The following ANKLE2 variants were observed in gnomAD, a reference collection of about 807,000 sequenced individuals.
ANKLE2 encodes the protein ankyrin repeat and LEM domain-containing protein 2.
In ANKLE2, 55 loss-of-function variants were observed where a neutral mutation model predicts 84.2. The observed-to-expected ratio is 0.65, with a 90% CI of 0.53 to 0.82. ANKLE2 has a LOEUF of 0.82. ANKLE2 is among the 40% of genes least tolerant of loss of function. ANKLE2 has a pLI of 0.00. For missense variants in ANKLE2, 1,238 were observed against 1,201.9 expected (o/e 1.03, Z -0.44); for synonymous variants, 551 against 486.1 (o/e 1.13, Z -1.76).
At chr12:132,752,922 C>CCAAG in intron 2 of ANKLE2, among the ~76,000 whole-genome samples, 1 of 151,456 alleles carries the variant, frequency 6.6e-6, no homozygotes, top group African/African-American at 2.4e-5. Context: ...CTTTGGGAGG[C>CCAAG]TCAGGTGGGA....
Position 132,727,028 on chromosome 12 carries a change from G to C in ANKLE2, c.*214C>G, listed in dbSNP as rs968775738. On this transcript the variant is annotated 3_prime_UTR_variant, in exon 13 of 13. Transcript: ENST00000357997. ...CACATGGATATTTTCCAGAAAATTGGTAACTGAGTTTGCTTTCATTAACTT... is the reference window on the plus strand; with the variant it reads ...CACATGGATATTTTCCAGAAAATTGCTAACTGAGTTTGCTTTCATTAACTT... 3 of 582,532 alleles carry C rather than the reference G, an allele frequency of 5.1e-6. No homozygotes were observed. The highest frequency in any genetic ancestry group is 8.5e-6 in the Non-Finnish European group (3 of 353,906). 36.1% of individuals were successfully genotyped at this position (582,532 alleles called of 1,614,324 possible).
At chr12:132,734,333 C>A in intron 10 of ANKLE2, 52 bp downstream of exon 10, 1 of 1,590,028 alleles carries the variant, frequency 6.3e-7, no homozygotes, top group Non-Finnish European at 8.6e-7. Flanking sequence ...CGTCAGACCC[C>A]GGCCATGGGG....
rs555241431 is a variant in ANKLE2, at chr12:132,726,255, G to A, written c.*987C>T. The A allele has an allele frequency of 4.6e-5, 7 of 153,564 alleles. No individual in the cohort carries two copies. Among genetic ancestry groups the A allele is most frequent in the Non-Finnish European group, 4.4e-5 (3 of 68,288 alleles). 9.5% of individuals were successfully genotyped at this position (153,564 alleles called of 1,614,324 possible). A position where few individuals can be genotyped will look rare whatever the true frequency, so the allele number is the denominator to read the frequency against. On this transcript the variant is annotated 3_prime_UTR_variant, in exon 13 of 13. Transcript: ENST00000357997. ...CGGCTCCTCACACATTCCAACCACA[G>A]ACCTTCATTCAAGTCAAGGTGAAGG...
intron 5 of ANKLE2, among the ~76,000 whole-genome samples, chr12:132,747,624 G>A (rs1292211398): frequency 6.6e-6 from 1 of 152,178 alleles, no homozygotes; most frequent in Non-Finnish European, 1.5e-5. Flanking sequence ...TCGCACACAC[G>A]ACGACAATGC....
At chr12:132,739,355 G>A (rs2044076598) in intron 7 of ANKLE2, among the ~76,000 whole-genome samples, 1 of 152,018 alleles carries the variant, frequency 6.6e-6, no homozygotes, top group African/African-American at 2.4e-5. Context: ...GAAAATTAGG[G>A]CAATTCAAAT....
chr12:132,735,134 G>A, intron 9 of ANKLE2: 2 of 488,538 alleles, frequency 4.1e-6, no homozygotes, highest in Non-Finnish European at 7.3e-6. Flanking sequence ...AAAATATTAA[G>A]GTTCCTTAGA....
intron 7 of ANKLE2, among the ~76,000 whole-genome samples, chr12:132,740,567 G>C (rs1199099887): frequency 6.6e-6 from 1 of 152,030 alleles, no homozygotes; most frequent in African/African-American, 2.4e-5. Flanking sequence ...CAGGCAGGTG[G>C]GTGAAAGGAC....
chr12:132,753,268 T>G (rs1471490487), intron 2 of ANKLE2, among the ~76,000 whole-genome samples: 2 of 151,774 alleles, frequency 1.3e-5, no homozygotes, highest in Non-Finnish European at 2.9e-5. Context: ...TGCAGTGAGT[T>G]GTTGAGATTG....
chr12:132,732,383 T>C (rs1409217947), intron 10 of ANKLE2, among the ~76,000 whole-genome samples: 1 of 141,938 alleles, frequency 7.0e-6, no homozygotes, highest in African/African-American at 2.7e-5. Flanking sequence ...TGAAGCGCTC[T>C]GCGTGCTGGT....
rs201321715 is a variant in ANKLE2 at position 132,733,316 on chromosome 12, G to A, written c.1891+1069C>T. Among the ~76,000 whole-genome samples the A allele has an allele frequency of 2.2e-4, 31 of 142,346 alleles. No homozygotes were observed. In the East Asian group the frequency reaches 4.1e-3, roughly 19 times the overall value. 93.4% of individuals were successfully genotyped at this position (142,346 alleles called of 152,430 possible). ...TGCGTCCTGGTGTCTGACGTGCACC[G>A]TGTGAAGCTCTCTGCGTCCTGGTGT... On this transcript the variant is annotated intron_variant, in intron 10 of 12. Transcript: ENST00000357997.
At chr12:132,750,119 C>T (rs988090236) in intron 3 of ANKLE2, among the ~76,000 whole-genome samples, 5 of 149,382 alleles carry the variant, frequency 3.3e-5, no homozygotes, top group Admixed American at 2.7e-4. Flanking sequence ...GCAGGAGAAT[C>T]GCTTGAACCC....
chr12:132,758,093 A>C (rs2044523932), intron 1 of ANKLE2: 1 of 152,206 alleles, frequency 6.6e-6, no homozygotes, highest in South Asian at 2.1e-4. Context: ...TTTGGACCAC[A>C]GTTTACTGAC....
At chr12:132,748,388 C>T (rs966523050) in intron 3 of ANKLE2, 57 bp from the exon 4 acceptor site, 47 of 1,584,736 alleles carry the variant, frequency 3.0e-5, no homozygotes, top group Non-Finnish European at 4.0e-5. Context: ...TCACTCATCA[C>T]CCATGCACCC....
intron 1 of ANKLE2, chr12:132,760,565 T>TTACTGTGA (rs1427175753): frequency 2.0e-5 from 3 of 152,138 alleles, no homozygotes; most frequent in African/African-American, 7.2e-5. Flanking sequence ...TTTGCTAGAG[T>TTACTGTGA]GGCTCCCGAA....
intron 2 of ANKLE2, among the ~76,000 whole-genome samples, chr12:132,753,839 G>A (rs538647446): frequency 3.9e-5 from 6 of 152,230 alleles, no homozygotes; most frequent in Admixed American, 3.3e-4. Context: ...GCTGAGGTGG[G>A]AGGATCACCT....
chr12:132,740,745 C>G (rs1040318922), intron 7 of ANKLE2, among the ~76,000 whole-genome samples: 1 of 151,820 alleles, frequency 6.6e-6, no homozygotes, highest in Non-Finnish European at 1.5e-5. Flanking sequence ...ATGCCTGGCA[C>G]CTACAAACCG....
chr12:132,740,859 G>A (rs1593157425), intron 7 of ANKLE2, among the ~76,000 whole-genome samples: 1 of 152,198 alleles, frequency 6.6e-6, no homozygotes, highest in African/African-American at 2.4e-5. Flanking sequence ...CGTCCCGGAG[G>A]CGAGTGGGGA....
chr12:132,753,085 A>G (rs909449045), intron 2 of ANKLE2, among the ~76,000 whole-genome samples: 17 of 152,092 alleles, frequency 1.1e-4, no homozygotes, highest in African/African-American at 3.9e-4. Flanking sequence ...TGAGCCTGGC[A>G]GATCACTTGA....
chr12:132,732,895 G>A lies in ANKLE2; in HGVS notation c.1891+1490C>T, dbSNP rs1357262188. 1.3e-4 allele frequency among the ~76,000 whole-genome samples: 17 copies of A among 134,898 alleles called. 1 individual carries two copies. The highest frequency in any genetic ancestry group is 2.6e-4 in the Non-Finnish European group (15 of 58,682). 88.5% of individuals were successfully genotyped at this position (134,898 alleles called of 152,430 possible). On this transcript the variant is annotated intron_variant, in intron 10 of 12. Transcript: ENST00000357997. Reference sequence around the variant, plus strand: ...CGCTCTGCATCCTGGTGTCTGAAATGCACCGTGTGAAGCGCTCTGCATCCT... The same window carrying A: ...CGCTCTGCATCCTGGTGTCTGAAATACACCGTGTGAAGCGCTCTGCATCCT...
Sources: gnomAD v4.1 joint callset for allele counts (sites outside exome capture counted in the v4.1 genomes callset) on GRCh38, gnomAD v4.1.1 for gene constraint, MANE v1.5 for transcripts, NCBI Gene and HGNC (gene_info 2026-07-23, HGNC 2026-07-21) for gene names.